Variants in KCNH7 observed in about 807,000 individuals in gnomAD.
KCNH7 encodes the protein potassium voltage-gated channel subfamily H member 7.
KCNH7 carries 49 observed loss-of-function variants against 120.8 expected under a neutral mutation model. The ratio of observed to expected loss-of-function variants is 0.41; its 90% CI spans 0.32 to 0.51. KCNH7 has a LOEUF of 0.51. Among genes scored for constraint, KCNH7 ranks in the 20% least tolerant of loss-of-function variants. The pLI is 0.38. For synonymous variants in KCNH7, 547 were observed against 516.1 expected, an observed-to-expected ratio of 1.06 and a Z score of -0.81; for missense variants, 1,097 against 1,446.6, an observed-to-expected ratio of 0.76 and a Z score of 3.92.
At chr2:162,402,774 A>G (rs1178506986) in intron 9 of KCNH7, among the ~76,000 whole-genome samples, 1 of 151,720 alleles carries the variant, frequency 6.6e-6, no homozygotes, top group African/African-American at 2.4e-5. Context: ...AAAACTTGGT[A>G]TAGAAAAAAA....
intron 2 of KCNH7, among the ~76,000 whole-genome samples, chr2:162,591,065 C>T (rs1211292901): frequency 1.3e-5 from 2 of 152,058 alleles, no homozygotes; most frequent in Admixed American, 6.6e-5. Flanking sequence ...TCCTTTCTGA[C>T]TGCATTTCCC....
At chr2:162,784,434 A>C (rs1252007108) in intron 2 of KCNH7, among the ~76,000 whole-genome samples, 3 of 152,186 alleles carry the variant, frequency 2.0e-5, no homozygotes, top group Admixed American at 2.0e-4. Flanking sequence ...TTAGGTATAG[A>C]AATAATAATA....
chr2:162,406,241 C>A (rs994813459), intron 9 of KCNH7, among the ~76,000 whole-genome samples: 1 of 151,856 alleles, frequency 6.6e-6, no homozygotes, highest in Non-Finnish European at 1.5e-5. Flanking sequence ...CTCCAGGCTC[C>A]TTCCGTAGGA....
At chr2:162,522,041 A>C (rs1256127122) in intron 3 of KCNH7, among the ~76,000 whole-genome samples, 1 of 151,948 alleles carries the variant, frequency 6.6e-6, no homozygotes, top group Non-Finnish European at 1.5e-5. Flanking sequence ...CAAAGATAAG[A>C]GTAACCAATC....
chr2:162,520,172 T>A (rs886553332), intron 3 of KCNH7, among the ~76,000 whole-genome samples: 146 of 147,422 alleles, frequency 9.9e-4, no homozygotes, highest in African/African-American at 3.6e-3. Flanking sequence ...TTTTTTTTTT[T>A]TTTTTTTAGT....
intron 6 of KCNH7, among the ~76,000 whole-genome samples, chr2:162,454,299 C>T (rs1390881835): frequency 1.3e-5 from 2 of 152,028 alleles, no homozygotes; most frequent in Admixed American, 1.3e-4. Flanking sequence ...TGTTCTGTTC[C>T]ATTGGTCTGT....
chr2:162,607,181 C>G (rs1217093914), intron 2 of KCNH7, among the ~76,000 whole-genome samples: 1 of 148,696 alleles, frequency 6.7e-6, no homozygotes, highest in Admixed American at 6.8e-5. Context: ...TCGAGACCAG[C>G]CTGGCCAATA....
intron 2 of KCNH7, among the ~76,000 whole-genome samples, chr2:162,714,093 G>C (rs913575953): frequency 1.3e-5 from 2 of 152,168 alleles, no homozygotes; most frequent in African/African-American, 2.4e-5. Flanking sequence ...TCTGAGTTCC[G>C]TGCCAGCCTA....
At chr2:162,614,541 G>T (rs762604397) in intron 2 of KCNH7, among the ~76,000 whole-genome samples, 7 of 151,824 alleles carry the variant, frequency 4.6e-5, no homozygotes, top group Non-Finnish European at 8.8e-5. Flanking sequence ...AATATTTAGT[G>T]ATATGAATGA....
At chr2:162,413,966 C>T (rs759932611) in intron 9 of KCNH7, among the ~76,000 whole-genome samples, 18 of 151,480 alleles carry the variant, frequency 1.2e-4, no homozygotes, top group Non-Finnish European at 2.7e-4. Flanking sequence ...ATGGGCAATT[C>T]ATAGAATAAA....
chr2:162,452,236 T>C (rs926300683), intron 6 of KCNH7, among the ~76,000 whole-genome samples: 1 of 152,050 alleles, frequency 6.6e-6, no homozygotes, highest in African/African-American at 2.4e-5. Context: ...ATAGTTACTA[T>C]TTATTTATAA....
intron 2 of KCNH7, among the ~76,000 whole-genome samples, chr2:162,600,690 T>C (rs141788144): frequency 2.0e-5 from 3 of 152,282 alleles, no homozygotes; most frequent in African/African-American, 7.2e-5. Context: ...GTTTTACTTG[T>C]TGCATGAATT....
At chr2:162,396,375 T>C (rs1050140264) in intron 11 of KCNH7, among the ~76,000 whole-genome samples, 3 of 151,794 alleles carry the variant, frequency 2.0e-5, no homozygotes, top group African/African-American at 7.2e-5. Flanking sequence ...GCTGAGAGAA[T>C]ATTCTAACCT....
chr2:162,626,362 C>T (rs1052091674), intron 2 of KCNH7, among the ~76,000 whole-genome samples: 2 of 151,872 alleles, frequency 1.3e-5, no homozygotes, highest in Non-Finnish European at 2.9e-5. Context: ...AAAATAAATC[C>T]AATACTAGAA....
chr2:162,615,657 C>T (rs182294520), intron 2 of KCNH7, among the ~76,000 whole-genome samples: 10 of 152,028 alleles, frequency 6.6e-5, no homozygotes, highest in African/African-American at 1.7e-4. Flanking sequence ...ATCATTTATG[C>T]AACATTCTTT....
At chr2:162,802,252 C>A (rs1015099939) in intron 2 of KCNH7, among the ~76,000 whole-genome samples, 1 of 151,704 alleles carries the variant, frequency 6.6e-6, no homozygotes, top group Non-Finnish European at 1.5e-5. Flanking sequence ...CAAATATGAT[C>A]AAAGTTTCCA....
intron 2 of KCNH7, among the ~76,000 whole-genome samples, chr2:162,834,560 A>C (rs928408141): frequency 3.9e-5 from 6 of 152,058 alleles, no homozygotes; most frequent in Admixed American, 3.3e-4. Context: ...TTCTGAAAAC[A>C]GGGGAGTTTT....
intron 2 of KCNH7, among the ~76,000 whole-genome samples, chr2:162,611,805 T>C (rs1232982812): frequency 6.6e-6 from 1 of 152,126 alleles, no homozygotes; most frequent in African/African-American, 2.4e-5. Context: ...TGAGTAGAAA[T>C]CTAGATATTA....
intron 7 of KCNH7, among the ~76,000 whole-genome samples, chr2:162,443,762 C>T (rs1385490546): frequency 6.6e-6 from 1 of 152,170 alleles, no homozygotes; most frequent in Non-Finnish European, 1.5e-5. Context: ...ATTCCTGTTC[C>T]AAAGACTCCA....
Sources: gnomAD v4.1 joint callset for allele counts (sites outside exome capture counted in the v4.1 genomes callset) on GRCh38, gnomAD v4.1.1 for gene constraint, MANE v1.5 for transcripts, NCBI Gene and HGNC (gene_info 2026-07-23, HGNC 2026-07-21) for gene names.